BOLL: variants seen among roughly 807,000 people sequenced by gnomAD.
The protein encoded by BOLL is boule RNA binding protein.
Under a neutral mutation model 44.4 loss-of-function variants are expected in BOLL, and 23 were observed. The observed-to-expected ratio is 0.52, with a 90% CI of 0.37 to 0.73. The LOEUF (loss-of-function observed/expected upper bound fraction) is 0.73. Ranked by LOEUF, BOLL falls within the 30% of genes least tolerant of loss-of-function variation. BOLL has a pLI of 0.00. For synonymous variants in BOLL, 97 were observed against 110.8 expected (o/e 0.88, Z 0.78); for missense variants, 287 against 338.3 (o/e 0.85, Z 1.19).
chr2:197,781,976 T>C, intron 1 of BOLL, 111 bp from the exon 2 acceptor site: 3 of 864,362 alleles, frequency 3.5e-6, no homozygotes, highest in Non-Finnish European at 3.3e-6. Context: ...AGGCAAAATA[T>C]AGTATTCTAG....
intron 3 of BOLL, among the ~76,000 whole-genome samples, chr2:197,777,756 G>C (rs1290484908): frequency 6.6e-6 from 1 of 151,628 alleles, no homozygotes; most frequent in African/African-American, 2.4e-5. Context: ...ACAATAGGTA[G>C]AGAAAAAAGT....
chr2:197,729,033 C>T (rs1015283666), intron 10 of BOLL, among the ~76,000 whole-genome samples: 4 of 152,148 alleles, frequency 2.6e-5, no homozygotes, highest in East Asian at 1.9e-4. Flanking sequence ...ACGCAGAAGA[C>T]GGGTGATTTC....
intron 7 of BOLL, among the ~76,000 whole-genome samples, chr2:197,760,131 T>C (rs552677447): frequency 1.3e-4 from 19 of 151,958 alleles, no homozygotes; most frequent in Admixed American, 5.9e-4. Flanking sequence ...GGCCGACCAA[T>C]AGCCCTGTGC....
chr2:197,728,924 A>G (rs1019113321), intron 10 of BOLL, among the ~76,000 whole-genome samples: 1 of 152,200 alleles, frequency 6.6e-6, no homozygotes, highest in African/African-American at 2.4e-5. Flanking sequence ...TAAAAGGGGA[A>G]TAGTATTTTT....
At chr2:197,741,460 A>G (rs1418462901) in intron 10 of BOLL, among the ~76,000 whole-genome samples, 2 of 152,204 alleles carry the variant, frequency 1.3e-5, no homozygotes. Flanking sequence ...GTACCAAAAC[A>G]GAGATAGAGA....
chr2:197,757,414 A>T lies in BOLL; in HGVS notation c.553-14T>A. On this transcript the variant is annotated splice_polypyrimidine_tract_variant and intron_variant, in intron 7 of 10. Coordinates refer to ENST00000392296, the MANE Select transcript of BOLL (RefSeq NM_033030.6). ...CTGTGTGGTGGCCTAAAATTAAATA[A>T]AAGAAAAGAAAAACCCATTCTGATT... The T allele has an allele frequency of 6.2e-7, 1 of 1,602,822 alleles. No homozygotes were observed. The highest frequency in any genetic ancestry group is 8.5e-7 in the Non-Finnish European group (1 of 1,175,164).
intron 2 of BOLL, 82 bp downstream of exon 2, chr2:197,781,640 T>C: frequency 8.0e-7 from 1 of 1,243,896 alleles, no homozygotes; most frequent in Non-Finnish European, 1.1e-6. Context: ...TATGTTATTT[T>C]ATAGTTGCAC....
Position 197,785,044 on chromosome 2 carries a change from G to T in BOLL, c.-16+12C>A, listed in dbSNP as rs1352913679. ...TTTTGCAAACGAAGACAGCAGGAAC[G>T]GGCGGGCTAACCGTCGCAGTCACTG... On this transcript the variant is annotated intron_variant, in intron 1 of 10. Transcript: ENST00000392296. This position sits in a 1 kb window ranked among gnomAD's most constrained non-coding sequence, Gnocchi z 6.7. 1.0e-6 allele frequency: 1 copy of T among 985,860 alleles called. No homozygotes were observed. Among genetic ancestry groups the T allele is most frequent in the South Asian group, 4.7e-5 (1 of 21,292 alleles). 61.1% of individuals were successfully genotyped at this position (985,860 alleles called of 1,614,324 possible).
chr2:197,741,828 A>C (rs945692407), intron 10 of BOLL, among the ~76,000 whole-genome samples: 38 of 152,288 alleles, frequency 2.5e-4, no homozygotes, highest in East Asian at 9.6e-4. Flanking sequence ...TAATTAAACT[A>C]AAGAGCTTCT....
intron 10 of BOLL, among the ~76,000 whole-genome samples, chr2:197,742,208 T>C (rs866849482): frequency 1.3e-5 from 2 of 152,214 alleles, no homozygotes; most frequent in African/African-American, 2.4e-5. Context: ...ACTTTTACAA[T>C]GTTGGTGGGA....
chr2:197,775,406 G>A (rs1021246102), intron 5 of BOLL, among the ~76,000 whole-genome samples: 3 of 151,320 alleles, frequency 2.0e-5, no homozygotes, highest in South Asian at 2.1e-4. Flanking sequence ...TTTTCATCAC[G>A]AAAGATTTTT....
At chr2:197,734,131 C>T (rs1404336584) in intron 10 of BOLL, among the ~76,000 whole-genome samples, 1 of 151,258 alleles carries the variant, frequency 6.6e-6, no homozygotes, top group East Asian at 1.9e-4. Context: ...AAACAAACAA[C>T]CCCATCAAAA....
chr2:197,772,070 C>T, intron 5 of BOLL, 88 bp from the exon 6 acceptor site: 2 of 1,084,392 alleles, frequency 1.8e-6, no homozygotes, highest in Non-Finnish European at 2.5e-6. Flanking sequence ...AAATATTTAT[C>T]TTAATATACC....
At chr2:197,747,877 G>A (rs1688058720) in intron 9 of BOLL, among the ~76,000 whole-genome samples, 2 of 152,132 alleles carry the variant, frequency 1.3e-5, no homozygotes, top group Admixed American at 1.3e-4. Flanking sequence ...ACAACCATCT[G>A]ATTTTCAACA....
chr2:197,728,550 T>G lies in BOLL; in HGVS notation c.*5A>C, dbSNP rs142531588. 398 of 1,613,622 alleles carry G rather than the reference T, an allele frequency of 2.5e-4. 4 individuals are homozygous for G. In the African/African-American group the frequency reaches 4.8e-3, roughly 19 times the overall value. On this transcript the variant is annotated 3_prime_UTR_variant, in exon 11 of 11. Coordinates refer to ENST00000392296, the MANE Select transcript of BOLL (RefSeq NM_033030.6). ...GTTGAGCTGGAATAGAGCTGCCCAATTGTCTTAATAATGAATGCTCCACAC... is the reference window on the plus strand; with the variant it reads ...GTTGAGCTGGAATAGAGCTGCCCAAGTGTCTTAATAATGAATGCTCCACAC...
chr2:197,778,291 T>C lies in BOLL; in HGVS notation c.221+684A>G, dbSNP rs77097291. 7.1e-3 allele frequency among the ~76,000 whole-genome samples: 1,081 copies of C among 152,078 alleles called. 22 individuals carry two copies. The highest frequency in any genetic ancestry group is 0.024 in the African/African-American group (1,013 of 41,540). ...TATGCCTATAAATATGTATGTCTCG[T>C]CTCTCTTTCAAGAAAGTAAATACAA... is the stretch of plus-strand genomic sequence containing the variant. On this transcript the variant is annotated intron_variant, in intron 3 of 10. Coordinates refer to ENST00000392296, the MANE Select transcript of BOLL (RefSeq NM_033030.6).
In BOLL at chr2:197,742,256, C is replaced by T. The variant is rs1420288633; in HGVS notation, c.828+805G>A. Among the ~76,000 whole-genome samples, 6 of 152,218 alleles carry T rather than the reference C, an allele frequency of 3.9e-5. No homozygotes were observed. The Middle Eastern group carries it at 0.01, about 259-fold the overall frequency. ...TCAACCATTGTGGAAGTCAGTGTGG[C>T]GATTCCTCAGGGATCTAGAACTAGA... On this transcript the variant is annotated intron_variant, in intron 10 of 10. Transcript: ENST00000392296.
At chr2:197,782,780 C>A (rs1019054606) in intron 1 of BOLL, among the ~76,000 whole-genome samples, 1 of 152,098 alleles carries the variant, frequency 6.6e-6, no homozygotes, top group African/African-American at 2.4e-5. Context: ...CATTTTCAGC[C>A]TGAAAGTCAA....
intron 10 of BOLL, among the ~76,000 whole-genome samples, chr2:197,738,185 A>G (rs1255989616): frequency 6.6e-6 from 1 of 152,136 alleles, no homozygotes; most frequent in Non-Finnish European, 1.5e-5. Flanking sequence ...AGTCTAGTTC[A>G]GTGGGATAAT....
Sources: gnomAD v4.1 joint callset for allele counts (sites outside exome capture counted in the v4.1 genomes callset) on GRCh38, gnomAD v4.1.1 for gene constraint, Gnocchi (gnomAD v3.1) non-coding constraint, MANE v1.5 for transcripts, NCBI Gene and HGNC (gene_info 2026-07-23, HGNC 2026-07-21) for gene names.